The following KIRREL3 variants were observed in gnomAD, a reference collection of about 807,000 sequenced individuals.
KIRREL3 encodes kin of IRRE-like protein 3.
KIRREL3 carries 36 observed loss-of-function variants against 89.7 expected under a neutral mutation model. The ratio of observed to expected loss-of-function variants is 0.40; its 90% CI spans 0.31 to 0.53. KIRREL3 has a LOEUF of 0.53. Among genes scored for constraint, KIRREL3 ranks in the 20% least tolerant of loss-of-function variants. The probability of loss-of-function intolerance (pLI) is 0.49; values close to 1 mark genes in which losing one functional copy is unlikely to be tolerated. For missense variants in KIRREL3, 864 were observed against 1,056.6 expected, an observed-to-expected ratio of 0.82 and a Z score of 2.53; for synonymous variants, 445 against 441.4, an observed-to-expected ratio of 1.01 and a Z score of -0.10.
At chr11:126,452,907 A>T (rs1365413938) in intron 7 of KIRREL3, among the ~76,000 whole-genome samples, 1 of 152,168 alleles carries the variant, frequency 6.6e-6, no homozygotes, top group Non-Finnish European at 1.5e-5. Context: ...TGCCAAAAGC[A>T]CAGACACTCA....
rs755337299 is a variant in KIRREL3, at chr11:126,601,876, G to A, written c.56-38964C>T. On this transcript the variant is annotated intron_variant, in intron 1 of 16. Coordinates refer to ENST00000525144, the MANE Select transcript of KIRREL3 (RefSeq NM_032531.4). This position sits in a 1 kb window ranked among gnomAD's most constrained non-coding sequence, Gnocchi z 5.8. ...AGGTGGAGGTCTTGGCCTGAGAACC[G>A]TGCATACGGGACAGCATGAGTTTTA... 1.1e-4 allele frequency among the ~76,000 whole-genome samples: 16 copies of A among 152,148 alleles called. No homozygotes were observed. Among genetic ancestry groups the A allele is most frequent in the Non-Finnish European group, 1.6e-4 (11 of 68,034 alleles).
In KIRREL3 at chr11:126,564,310, C is replaced by T. The variant is rs1435556204; in HGVS notation, c.56-1398G>A. Among the ~76,000 whole-genome samples the T allele has an allele frequency of 2.6e-5, 4 of 152,202 alleles. No homozygotes were observed. Among genetic ancestry groups the T allele is most frequent in the Admixed American group, 1.3e-4 (2 of 15,282 alleles). On this transcript the variant is annotated intron_variant, in intron 1 of 16. Coordinates refer to ENST00000525144, the MANE Select transcript of KIRREL3 (RefSeq NM_032531.4). The surrounding 1 kb of genome is among the most constrained non-coding windows in gnomAD (Gnocchi z 7.4). ...CCACCGTCTGCAGCCCAGGTCCACC[C>T]ACCAAGCATAGCAGGATGAAAGAGA... is the stretch of plus-strand genomic sequence containing the variant.
At chr11:126,964,286 G>C (rs1024024691) in intron 1 of KIRREL3, among the ~76,000 whole-genome samples, 8 of 152,282 alleles carry the variant, frequency 5.3e-5, no homozygotes, top group African/African-American at 1.9e-4. Context: ...ATCATGAAGA[G>C]TGTTATTGAT....
chr11:126,925,675 C>T (rs1386420530), intron 1 of KIRREL3, among the ~76,000 whole-genome samples: 1 of 152,200 alleles, frequency 6.6e-6, no homozygotes, highest in African/African-American at 2.4e-5. Context: ...GAGCCACTTC[C>T]AGGGACTGGG....
At chr11:126,963,896 A>C (rs561800955) in intron 1 of KIRREL3, among the ~76,000 whole-genome samples, 2 of 152,248 alleles carry the variant, frequency 1.3e-5, no homozygotes, top group South Asian at 2.1e-4. Context: ...CAATGCCAAA[A>C]ATTTGCACAT....
chr11:126,959,370 T>C (rs1334507624), intron 1 of KIRREL3, among the ~76,000 whole-genome samples: 1 of 152,076 alleles, frequency 6.6e-6, no homozygotes. Flanking sequence ...CACACACACA[T>C]ACACACACAC....
rs925695746 is a variant in KIRREL3 at position 126,720,857 on chromosome 11, G to A, written c.56-157945C>T. 9.8e-5 allele frequency among the ~76,000 whole-genome samples: 15 copies of A among 152,304 alleles called. No individual in the cohort carries two copies. In the South Asian group the frequency reaches 2.3e-3, roughly 23 times the overall value. ...TGGGAGAAGATAGCGAGGGGACCTGGAGGAGAGGAGTGTCCAGGAAAGGGC... is the reference window on the plus strand; with the variant it reads ...TGGGAGAAGATAGCGAGGGGACCTGAAGGAGAGGAGTGTCCAGGAAAGGGC... On this transcript the variant is annotated intron_variant, in intron 1 of 16. Coordinates refer to ENST00000525144, the MANE Select transcript of KIRREL3 (RefSeq NM_032531.4).
Position 126,655,088 on chromosome 11 carries a change from A to T in KIRREL3, c.56-92176T>A, listed in dbSNP as rs1444891364. ...CACTGTGGGCAGGTGGTGGTGGAGC[A>T]CATCTGTCTCTCTCCGTGTTGGTGG... On this transcript the variant is annotated intron_variant, in intron 1 of 16. Coordinates refer to ENST00000525144, the MANE Select transcript of KIRREL3 (RefSeq NM_032531.4). The surrounding 1 kb of genome is among the most constrained non-coding windows in gnomAD (Gnocchi z 5.0). 6.6e-6 allele frequency among the ~76,000 whole-genome samples: 1 copy of T among 152,230 alleles called. No homozygotes were observed. Among genetic ancestry groups the T allele is most frequent in the Non-Finnish European group, 1.5e-5 (1 of 68,040 alleles).
At chr11:126,506,457 C>T (rs1958017634) in intron 4 of KIRREL3, among the ~76,000 whole-genome samples, 1 of 152,126 alleles carries the variant, frequency 6.6e-6, no homozygotes, top group Non-Finnish European at 1.5e-5. Flanking sequence ...AGACATTTTA[C>T]CAAAGAAGAT....
At chr11:126,962,049 G>A (rs150099513) in intron 1 of KIRREL3, among the ~76,000 whole-genome samples, 7 of 152,272 alleles carry the variant, frequency 4.6e-5, no homozygotes, top group Admixed American at 1.3e-4. Flanking sequence ...ACTTAACCTC[G>A]TCACCCAAGG....
intron 1 of KIRREL3, among the ~76,000 whole-genome samples, chr11:126,875,379 T>C (rs182296143): frequency 2.0e-5 from 3 of 152,342 alleles, no homozygotes; most frequent in South Asian, 2.1e-4. Context: ...TAACAATATA[T>C]GAAACAGAGC....
chr11:126,585,220 C>CT (rs3042225), intron 1 of KIRREL3, among the ~76,000 whole-genome samples: 2,781 of 81,824 alleles, frequency 0.034, 404 homozygotes, highest in African/African-American at 0.079. Flanking sequence ...CGCCCGGCCT[C>CT]TTTTTTTTTT....
Position 126,876,910 on chromosome 11 carries a change from C to T in KIRREL3, c.55+123545G>A, listed in dbSNP as rs997885665. ...AAATTTTCACAATTGATAACCCTTA[C>T]AGTAGATTGCAGAAACCTATAAGAC... On this transcript the variant is annotated intron_variant, in intron 1 of 16. Transcript: ENST00000525144. The surrounding 1 kb of genome is among the most constrained non-coding windows in gnomAD (Gnocchi z 4.1). Among the ~76,000 whole-genome samples the T allele has an allele frequency of 1.3e-5, 2 of 152,126 alleles. No homozygotes were observed. Among genetic ancestry groups the T allele is most frequent in the African/African-American group, 4.8e-5 (2 of 41,404 alleles).
In KIRREL3 at chr11:126,444,962, C is replaced by T. The variant is rs773890056; in HGVS notation, c.1252+17G>A. 7.4e-6 allele frequency: 12 copies of T among 1,613,540 alleles called. No homozygotes were observed. In the South Asian group the frequency reaches 1.2e-4, roughly 16 times the overall value. On this transcript the variant is annotated intron_variant, in intron 10 of 16. Transcript: ENST00000525144. Reference sequence around the variant, plus strand: ...CTTCCCTCCCTCAGGCCTGGCTCACCCCAGCGAGGGTCTTACCATTGACGG... The same window carrying T: ...CTTCCCTCCCTCAGGCCTGGCTCACTCCAGCGAGGGTCTTACCATTGACGG...
intron 6 of KIRREL3, among the ~76,000 whole-genome samples, chr11:126,460,789 T>G (rs1956515216): frequency 6.6e-6 from 1 of 152,188 alleles, no homozygotes; most frequent in Non-Finnish European, 1.5e-5. Flanking sequence ...GAGGTTCTCC[T>G]GGGGTAATGC....
At chr11:126,439,306 G>A (rs1955473009) in intron 11 of KIRREL3, among the ~76,000 whole-genome samples, 1 of 151,816 alleles carries the variant, frequency 6.6e-6, no homozygotes, top group African/African-American at 2.4e-5. Flanking sequence ...ACCCAGCCTG[G>A]GTGATAGAGA....
rs1950640603 is a variant in KIRREL3, at chr11:126,791,540, G to T, written c.55+208915C>A. On this transcript the variant is annotated intron_variant, in intron 1 of 16. Coordinates refer to ENST00000525144, the MANE Select transcript of KIRREL3 (RefSeq NM_032531.4). This position sits in a 1 kb window ranked among gnomAD's most constrained non-coding sequence, Gnocchi z 4.8. The stretch of plus-strand genomic sequence containing the variant: ...TCTTTCCAAAGAAATGAATTCACTG[G>T]GCACTTATGAAAATAAATGACTGAT... Among the ~76,000 whole-genome samples the T allele has an allele frequency of 6.6e-6, 1 of 152,166 alleles. No homozygotes were observed. The highest frequency in any genetic ancestry group is 1.5e-5 in the Non-Finnish European group (1 of 68,030).
In KIRREL3 at chr11:126,892,733, G is replaced by GC. The variant is rs992893400; in HGVS notation, c.55+107721dup. On this transcript the variant is annotated intron_variant, in intron 1 of 16. Transcript: ENST00000525144. This position sits in a 1 kb window ranked among gnomAD's most constrained non-coding sequence, Gnocchi z 5.4. ...AACTACAGCATGACCTGACTTCTAT[G>GC]CCCCCAGCACTATGGCCATGACAGC... Among the ~76,000 whole-genome samples the GC allele has an allele frequency of 2.2e-4, 34 of 152,132 alleles. No homozygotes were observed. The highest frequency in any genetic ancestry group is 8.2e-4 in the African/African-American group (34 of 41,418).
chr11:126,869,202 G>C (rs1032524526), intron 1 of KIRREL3, among the ~76,000 whole-genome samples: 1 of 150,350 alleles, frequency 6.7e-6, no homozygotes, highest in Admixed American at 6.6e-5. Context: ...AGAATCCCTG[G>C]GTAGTTAATG....
Sources: gnomAD v4.1 joint callset for allele counts (sites outside exome capture counted in the v4.1 genomes callset) on GRCh38, gnomAD v4.1.1 for gene constraint, Gnocchi (gnomAD v3.1) non-coding constraint, MANE v1.5 for transcripts, NCBI Gene and HGNC (gene_info 2026-07-23, HGNC 2026-07-21) for gene names.